The following DIRAS2 variants were observed in gnomAD, a reference collection of about 807,000 sequenced individuals.
The protein encoded by DIRAS2 is GTP-binding protein Di-Ras2.
Under a neutral mutation model 13.9 loss-of-function variants are expected in DIRAS2, and 5 were observed. The ratio of observed to expected loss-of-function variants is 0.36; its 90% CI spans 0.19 to 0.76. DIRAS2 has a LOEUF of 0.76. Ranked by LOEUF, DIRAS2 falls within the 30% of genes least tolerant of loss-of-function variation. DIRAS2 has a pLI of 0.53. For missense variants in DIRAS2, 191 were observed against 263.0 expected (o/e 0.73, Z 1.89); for synonymous variants, 111 against 105.4 (o/e 1.05, Z -0.33).
rs1825100890 is a variant in DIRAS2, at chr9:90,610,477, T to G, written c.*2751A>C. 1 of 399,010 alleles carries G rather than the reference T, an allele frequency of 2.5e-6. No individual in the cohort carries two copies. The highest frequency in any genetic ancestry group is 4.4e-6 in the Non-Finnish European group (1 of 226,060). 24.7% of individuals were successfully genotyped at this position (399,010 alleles called of 1,614,324 possible). A position where few individuals can be genotyped will look rare whatever the true frequency, so the allele number is the denominator to read the frequency against. On this transcript the variant is annotated 3_prime_UTR_variant, in exon 2 of 2. Coordinates refer to ENST00000375765, the MANE Select transcript of DIRAS2 (RefSeq NM_017594.5). The stretch of plus-strand genomic sequence containing the variant: ...ATAGAAGGGAAGTCATGGAGCCCCA[T>G]GCTCATGCCCAGAGCGCCATCTTCA...
In DIRAS2 at chr9:90,611,991, A is replaced by G. The variant is rs1303589207; in HGVS notation, c.*1237T>C. The G allele has an allele frequency of 6.6e-6, 1 of 152,258 alleles. No individual in the cohort carries two copies. Among genetic ancestry groups the G allele is most frequent in the East Asian group, 1.9e-4 (1 of 5,204 alleles). 9.4% of individuals were successfully genotyped at this position (152,258 alleles called of 1,614,324 possible). On this transcript the variant is annotated 3_prime_UTR_variant, in exon 2 of 2. Transcript: ENST00000375765. Reference sequence around the variant, plus strand: ...AACACAGGAAACCTGAAATAGCTGTAATTTGGCTTGAAAGATTAAAGATGC... The same window carrying G: ...AACACAGGAAACCTGAAATAGCTGTGATTTGGCTTGAAAGATTAAAGATGC...
At chr9:90,622,399 A>G (rs1314990520) in intron 1 of DIRAS2, among the ~76,000 whole-genome samples, 3 of 152,086 alleles carry the variant, frequency 2.0e-5, no homozygotes, top group Admixed American at 6.5e-5. Context: ...TTCTTTCATC[A>G]AACTTTGCTA....
chr9:90,638,730 T>C (rs929133092), intron 1 of DIRAS2, among the ~76,000 whole-genome samples: 9 of 114,310 alleles, frequency 7.9e-5, no homozygotes, highest in African/African-American at 3.1e-4. Flanking sequence ...TGTACAAAAA[T>C]GGCACTGAGC....
At chr9:90,638,335 T>C (rs1383059387) in intron 1 of DIRAS2, among the ~76,000 whole-genome samples, 1 of 152,216 alleles carries the variant, frequency 6.6e-6, no homozygotes, top group Non-Finnish European at 1.5e-5. Context: ...GTTTTCATGA[T>C]ATTCAGAGAA....
intron 1 of DIRAS2, among the ~76,000 whole-genome samples, chr9:90,632,410 A>G (rs1437163609): frequency 6.6e-6 from 1 of 151,876 alleles, no homozygotes; most frequent in East Asian, 1.9e-4. Flanking sequence ...CAAAGGCCTC[A>G]CTCTCTTGCC....
At position 90,613,198 on chromosome 9, in the gene DIRAS2, A is replaced by G; in HGVS notation, c.*30T>C. On this transcript the variant is annotated 3_prime_UTR_variant, in exon 2 of 2. Transcript: ENST00000375765. This position sits in a 1 kb window ranked among gnomAD's most constrained non-coding sequence, Gnocchi z 5.6. ...TTTGGGGGAGTGAGGTGCCGGGGAC[A>G]CACAGCTGCTCCTCCCGCAGGAAGG... is the stretch of plus-strand genomic sequence containing the variant. 1 of 1,588,414 alleles carries G rather than the reference A, an allele frequency of 6.3e-7. No homozygotes were observed. Among genetic ancestry groups the G allele is most frequent in the Non-Finnish European group, 8.6e-7 (1 of 1,166,382 alleles).
intron 1 of DIRAS2, among the ~76,000 whole-genome samples, chr9:90,641,304 A>G (rs1003543448): frequency 4.6e-5 from 7 of 152,196 alleles, no homozygotes; most frequent in African/African-American, 1.7e-4. Flanking sequence ...AACCATGAAC[A>G]CATACTTCCC....
intron 1 of DIRAS2, among the ~76,000 whole-genome samples, chr9:90,629,548 C>A (rs1376367451): frequency 6.6e-6 from 1 of 151,488 alleles, no homozygotes; most frequent in East Asian, 1.9e-4. Flanking sequence ...AAACTGCTGA[C>A]GGTGTGAAAA....
At chr9:90,637,010 A>T (rs1825377745) in intron 1 of DIRAS2, among the ~76,000 whole-genome samples, 1 of 152,228 alleles carries the variant, frequency 6.6e-6, no homozygotes, top group South Asian at 2.1e-4. Context: ...ATAGAGTATC[A>T]GTTGTTTCCC....
chr9:90,625,041 A>G (rs1333248749), intron 1 of DIRAS2, among the ~76,000 whole-genome samples: 1 of 152,252 alleles, frequency 6.6e-6, no homozygotes, highest in Admixed American at 6.5e-5. Flanking sequence ...TGAATAACAA[A>G]CAAGATTGTT....
intron 1 of DIRAS2, among the ~76,000 whole-genome samples, chr9:90,640,020 G>A (rs1825404786): frequency 6.6e-6 from 1 of 152,218 alleles, no homozygotes; most frequent in African/African-American, 2.4e-5. Context: ...AATCCAAATT[G>A]AGATGTCTTG....
chr9:90,613,929 C>T lies in DIRAS2; in HGVS notation c.-36-66G>A. On this transcript the variant is annotated intron_variant, in intron 1 of 1. Transcript: ENST00000375765. This position sits in a 1 kb window ranked among gnomAD's most constrained non-coding sequence, Gnocchi z 5.6. Reference sequence around the variant, plus strand: ...AATATAAAAACATTAATAAGGATAGCTCTACCCTCTTTTGATAGCTTAAAA... The same window carrying T: ...AATATAAAAACATTAATAAGGATAGTTCTACCCTCTTTTGATAGCTTAAAA... 7.2e-7 allele frequency: 1 copy of T among 1,381,946 alleles called. No homozygotes were observed. 85.6% of individuals were successfully genotyped at this position (1,381,946 alleles called of 1,614,324 possible).
At chr9:90,639,882 G>A (rs982056987) in intron 1 of DIRAS2, among the ~76,000 whole-genome samples, 10 of 152,168 alleles carry the variant, frequency 6.6e-5, no homozygotes, top group Non-Finnish European at 1.2e-4. Context: ...TTTTGATAGC[G>A]CTTAGTTGGT....
intron 1 of DIRAS2, among the ~76,000 whole-genome samples, chr9:90,629,495 CTTCT>C (rs1317582999): frequency 4.0e-5 from 6 of 151,724 alleles, no homozygotes; most frequent in African/African-American, 1.4e-4. Flanking sequence ...CTAAAATTCA[CTTCT>C]TTCTCAAAAT....
intron 1 of DIRAS2, among the ~76,000 whole-genome samples, chr9:90,614,196 C>A (rs191068689): frequency 1.2e-4 from 19 of 152,158 alleles, no homozygotes; most frequent in Non-Finnish European, 2.1e-4. Context: ...ATTAACTACC[C>A]CCGTAAAAAC....
chr9:90,640,780 C>T (rs1168823546), intron 1 of DIRAS2, among the ~76,000 whole-genome samples: 1 of 152,184 alleles, frequency 6.6e-6, no homozygotes, highest in East Asian at 1.9e-4. Context: ...AACCACTCCA[C>T]CCCAGACAAC....
At position 90,612,801 on chromosome 9, in the gene DIRAS2, TC is replaced by T; in HGVS notation, c.*426del. 5.4e-6 allele frequency: 1 copy of T among 184,248 alleles called. No homozygotes were observed. Among genetic ancestry groups the T allele is most frequent in the Non-Finnish European group, 1.1e-5 (1 of 87,228 alleles). 11.4% of individuals were successfully genotyped at this position (184,248 alleles called of 1,614,324 possible). Reference sequence around the variant, plus strand: ...TGATCTTCTCACCTCTTCCTGCCCCTCCCCTCCCCCAAAGATGTGATTGGCT... The same window carrying T: ...TGATCTTCTCACCTCTTCCTGCCCCTCCCTCCCCCAAAGATGTGATTGGCT... On this transcript the variant is annotated 3_prime_UTR_variant, in exon 2 of 2. Coordinates refer to ENST00000375765, the MANE Select transcript of DIRAS2 (RefSeq NM_017594.5).
At chr9:90,629,682 A>G (rs1825305829) in intron 1 of DIRAS2, among the ~76,000 whole-genome samples, 1 of 152,240 alleles carries the variant, frequency 6.6e-6, no homozygotes, top group African/African-American at 2.4e-5. Flanking sequence ...TAACCTATGC[A>G]CATCCTCTTG....
At chr9:90,624,761 G>C (rs1043821658) in intron 1 of DIRAS2, among the ~76,000 whole-genome samples, 10 of 151,842 alleles carry the variant, frequency 6.6e-5, no homozygotes, top group Non-Finnish European at 1.0e-4. Context: ...CGCCAGGCTG[G>C]AGTGCAATGG....
Sources: gnomAD v4.1 joint callset for allele counts (sites outside exome capture counted in the v4.1 genomes callset) on GRCh38, gnomAD v4.1.1 for gene constraint, Gnocchi (gnomAD v3.1) non-coding constraint, MANE v1.5 for transcripts, NCBI Gene and HGNC (gene_info 2026-07-23, HGNC 2026-07-21) for gene names.